Variants in LRMDA observed in about 807,000 individuals in gnomAD.
LRMDA encodes leucine-rich melanocyte differentiation-associated protein.
In LRMDA, 18 loss-of-function variants were observed where a neutral mutation model predicts 29.8. The observed-to-expected ratio is 0.60, with a 90% confidence interval of 0.42 to 0.90. The LOEUF (loss-of-function observed/expected upper bound fraction) is 0.90, where lower values mean the gene tolerates loss of function less well. Among genes scored for constraint, LRMDA ranks in the 40% least tolerant of loss-of-function variants. The pLI, the probability that LRMDA is intolerant of heterozygous loss-of-function variation, is 0.00. For synonymous variants in LRMDA, 125 were observed against 109.4 expected (o/e 1.14, Z -0.89); for missense variants, 273 against 273.9 (o/e 1.00, Z 0.02).
chr10:76,433,547 A>G (rs1273992482), intron 6 of LRMDA, among the ~76,000 whole-genome samples: 1 of 152,160 alleles, frequency 6.6e-6, no homozygotes, highest in Admixed American at 6.5e-5. Flanking sequence ...ATTAGTATTG[A>G]TGCCTGTCAC....
chr10:75,913,764 C>T (rs1193586846), intron 2 of LRMDA, among the ~76,000 whole-genome samples: 2 of 152,152 alleles, frequency 1.3e-5, no homozygotes, highest in Non-Finnish European at 2.9e-5. Flanking sequence ...ACCTGGTGGC[C>T]GGCATCAGGG....
intron 2 of LRMDA, among the ~76,000 whole-genome samples, chr10:76,006,080 G>A (rs1423271373): frequency 2.0e-5 from 3 of 152,158 alleles, no homozygotes; most frequent in Non-Finnish European, 4.4e-5. Flanking sequence ...AAAGAGAACA[G>A]ATCCGCCAAT....
intron 5 of LRMDA, among the ~76,000 whole-genome samples, chr10:76,269,486 G>C (rs988425166): frequency 2.0e-5 from 3 of 152,134 alleles, no homozygotes; most frequent in African/African-American, 4.8e-5. Flanking sequence ...GGGTTGCCCA[G>C]TTGTTGAACT....
chr10:75,494,515 CTTTTTTTTTT>C (rs34902194), intron 2 of LRMDA, among the ~76,000 whole-genome samples: 36 of 102,872 alleles, frequency 3.5e-4, no homozygotes, highest in African/African-American at 1.3e-3. Context: ...ATGTTTGTTC[CTTTTTTTTTT>C]TTTTTTTTTT....
At chr10:75,798,151 A>G (rs1843687170) in intron 2 of LRMDA, among the ~76,000 whole-genome samples, 1 of 152,062 alleles carries the variant, frequency 6.6e-6, no homozygotes, top group Admixed American at 6.5e-5. Flanking sequence ...CCCCTTTTAA[A>G]AATTGAATTC....
At chr10:75,703,638 C>T (rs1366282562) in intron 2 of LRMDA, among the ~76,000 whole-genome samples, 1 of 152,164 alleles carries the variant, frequency 6.6e-6, no homozygotes. Context: ...GGGAAGCCGC[C>T]CTCCTGTCAC....
chr10:75,672,524 T>TCCTTTCCCCCCTCCCCTCC (rs1554819467), intron 2 of LRMDA, among the ~76,000 whole-genome samples: 1 of 10,428 alleles, frequency 9.6e-5, no homozygotes. Flanking sequence ...TCTTTTCTTT[T>TCCTTTCCCCCCTCCCCTCC]CCTCCCCTCC....
intron 2 of LRMDA, among the ~76,000 whole-genome samples, chr10:75,560,019 CT>C (rs1432484729): frequency 1.3e-5 from 2 of 150,996 alleles, no homozygotes; most frequent in African/African-American, 2.4e-5. Flanking sequence ...GATGTGGGCT[CT>C]TTTTTGGTTC....
chr10:76,035,118 G>C (rs1848219084), intron 2 of LRMDA, among the ~76,000 whole-genome samples: 1 of 149,162 alleles, frequency 6.7e-6, no homozygotes, highest in Non-Finnish European at 1.5e-5. Context: ...TTTTCCTGGA[G>C]CCGGGTACTT....
chr10:76,207,294 G>A (rs537606064), intron 5 of LRMDA, among the ~76,000 whole-genome samples: 1 of 152,164 alleles, frequency 6.6e-6, no homozygotes, highest in Non-Finnish European at 1.5e-5. Flanking sequence ...CTATCTGGTC[G>A]ATTCTGACTT....
chr10:75,676,773 A>G (rs186398710), intron 2 of LRMDA, among the ~76,000 whole-genome samples: 3 of 152,098 alleles, frequency 2.0e-5, no homozygotes, highest in African/African-American at 7.2e-5. Context: ...ATAGTTTTAC[A>G]GTTCAATAAT....
intron 5 of LRMDA, among the ~76,000 whole-genome samples, chr10:76,214,083 A>C (rs891754380): frequency 6.6e-6 from 1 of 152,100 alleles, no homozygotes; most frequent in Admixed American, 6.6e-5. Context: ...TTGAATTTCA[A>C]CTAAATGCTC....
At chr10:75,534,209 A>G (rs1190909322) in intron 2 of LRMDA, among the ~76,000 whole-genome samples, 1 of 150,122 alleles carries the variant, frequency 6.7e-6, no homozygotes, top group African/African-American at 2.5e-5. Flanking sequence ...TGAGGTGCTT[A>G]TAATGCAAAC....
chr10:76,237,767 TTTAAA>T (rs2132280035), intron 5 of LRMDA, among the ~76,000 whole-genome samples: 2 of 148,924 alleles, frequency 1.3e-5, no homozygotes, highest in East Asian at 4.0e-4. Context: ...AAACTTTCTA[TTTAAA>T]GGGACAAGAG....
At chr10:76,147,495 C>A (rs1353002651) in intron 5 of LRMDA, among the ~76,000 whole-genome samples, 1 of 152,230 alleles carries the variant, frequency 6.6e-6, no homozygotes, top group Non-Finnish European at 1.5e-5. Context: ...GAGGCTTCTG[C>A]ATTCGTCACG....
intron 6 of LRMDA, among the ~76,000 whole-genome samples, chr10:76,451,480 C>T (rs1842406109): frequency 6.6e-6 from 1 of 152,146 alleles, no homozygotes; most frequent in Non-Finnish European, 1.5e-5. Context: ...GCTGGGATTA[C>T]AGGCGTGAGC....
chr10:76,063,423 T>C (rs150009670), intron 5 of LRMDA, among the ~76,000 whole-genome samples: 194 of 152,294 alleles, frequency 1.3e-3, no homozygotes, highest in African/African-American at 4.4e-3. Context: ...CAGAGTCAGC[T>C]TCTAAGTGGC....
At chr10:75,589,251 G>A (rs975899592) in intron 2 of LRMDA, among the ~76,000 whole-genome samples, 7 of 152,122 alleles carry the variant, frequency 4.6e-5, no homozygotes, top group Admixed American at 6.5e-5. Context: ...TTTTTCCACC[G>A]CATCACCAAC....
At chr10:75,689,119 G>C (rs954432187) in intron 2 of LRMDA, among the ~76,000 whole-genome samples, 6 of 152,050 alleles carry the variant, frequency 3.9e-5, no homozygotes, top group African/African-American at 1.4e-4. Context: ...ATGGCTCCAA[G>C]GTATGCCTGT....
Sources: allele counts gnomAD v4.1 joint callset (sites outside exome capture counted in the v4.1 genomes callset), GRCh38; gene constraint gnomAD v4.1.1; transcripts MANE v1.5; gene names NCBI Gene and HGNC (gene_info 2026-07-23, HGNC 2026-07-21).